SUCO: variants seen among roughly 807,000 people sequenced by gnomAD.
The protein encoded by SUCO is SUN domain containing ossification factor.
A neutral mutation model predicts 148.1 loss-of-function variants in SUCO; 57 were observed. The observed-to-expected ratio is 0.38, with a 90% confidence interval of 0.31 to 0.48. The LOEUF is 0.48. Ranked by LOEUF, SUCO falls within the 20% of genes least tolerant of loss-of-function variation. The probability of loss-of-function intolerance (pLI) is 0.96; values close to 1 mark genes in which losing one functional copy is unlikely to be tolerated. For missense variants in SUCO, 1,331 were observed against 1,468.2 expected (o/e 0.91, Z 1.53); for synonymous variants, 470 against 502.7 (o/e 0.93, Z 0.87).
At chr1:172,604,981 G>T (rs1378979232) in intron 22 of SUCO, among the ~76,000 whole-genome samples, 1 of 151,564 alleles carries the variant, frequency 6.6e-6, no homozygotes, top group South Asian at 2.1e-4. Context: ...GCTGTTCAGG[G>T]GTATACAGAT....
chr1:172,577,995 A>T (rs1213948997), intron 13 of SUCO, among the ~76,000 whole-genome samples, 176 bp downstream of exon 13: 4 of 79,476 alleles, frequency 5.0e-5, no homozygotes, highest in Non-Finnish European at 1.0e-4. Context: ...ATCCTCTTTT[A>T]AAAAAAAAAC....
intron 1 of SUCO, among the ~76,000 whole-genome samples, chr1:172,539,453 AGT>A (rs1652273956): frequency 6.6e-6 from 1 of 152,188 alleles, no homozygotes; most frequent in African/African-American, 2.4e-5. Context: ...GCAGTATAAG[AGT>A]GTTAATCCTT....
chr1:172,590,511 C>T (rs1558205678), intron 18 of SUCO: 2 of 242,416 alleles, frequency 8.3e-6, no homozygotes, highest in Middle Eastern at 1.9e-3. Flanking sequence ...TTTTTATCCT[C>T]TGTGTGTCCA....
intron 22 of SUCO, among the ~76,000 whole-genome samples, chr1:172,603,731 C>T (rs1323615991): frequency 6.6e-6 from 1 of 151,982 alleles, no homozygotes; most frequent in African/African-American, 2.4e-5. Flanking sequence ...AGAACATGAG[C>T]ACCTCAAAAA....
chr1:172,589,954 C>T lies in SUCO; in HGVS notation c.2825+28C>T, dbSNP rs767656242. ...AAGCTTTATTATGAATTAGCACAGT[C>T]AGCTTCACACAGTGAGTTAAGCAGC... On this transcript the variant is annotated intron_variant, in intron 18 of 23. Transcript: ENST00000263688. The T allele has an allele frequency of 5.4e-6, 8 of 1,485,650 alleles. 1 individual carries two copies. 92.0% of individuals were successfully genotyped at this position (1,485,650 alleles called of 1,614,324 possible).
chr1:172,554,991 T>A (rs888179201), intron 3 of SUCO, among the ~76,000 whole-genome samples: 1 of 152,190 alleles, frequency 6.6e-6, no homozygotes. Context: ...CCTCCTTTTC[T>A]TTAATGCCTA....
intron 10 of SUCO, among the ~76,000 whole-genome samples, 161 bp from the exon 11 acceptor site, chr1:172,575,357 T>C (rs1301373922): frequency 6.6e-6 from 1 of 151,992 alleles, no homozygotes; most frequent in African/African-American, 2.4e-5. Flanking sequence ...GTCAGTTCAG[T>C]TGGAAAAGAA....
chr1:172,592,240 G>T (rs2149262886), intron 19 of SUCO, among the ~76,000 whole-genome samples: 1 of 152,268 alleles, frequency 6.6e-6, no homozygotes, highest in Non-Finnish European at 1.5e-5. Flanking sequence ...TGTTCACTCT[G>T]ATGGTAGTTT....
rs895953992 is a variant in SUCO, at chr1:172,578,265, T to C, written c.1341-33T>C. The C allele has an allele frequency of 6.8e-6, 10 of 1,465,754 alleles. No individual in the cohort carries two copies. In the African/African-American group the frequency reaches 8.4e-5, roughly 12 times the overall value. 90.8% of individuals were successfully genotyped at this position (1,465,754 alleles called of 1,614,324 possible). On this transcript the variant is annotated intron_variant, in intron 13 of 23. Transcript: ENST00000263688. ...AGATTAGTCTTAACGAGTGTTTTGT[T>C]TTGGAAGTCTTTAATGAAATTGTTG...
intron 19 of SUCO, 87 bp downstream of exon 19, chr1:172,591,158 T>A (rs770190090): frequency 3.4e-5 from 33 of 967,326 alleles, no homozygotes; most frequent in Non-Finnish European, 4.7e-5. Context: ...AGTATTGTAG[T>A]TTCACTTTTT....
chr1:172,535,903 T>C (rs978021184), intron 1 of SUCO, among the ~76,000 whole-genome samples: 3 of 152,210 alleles, frequency 2.0e-5, no homozygotes, highest in African/African-American at 7.2e-5. Flanking sequence ...TAGATTATGT[T>C]TACAGAAAAA....
intron 1 of SUCO, among the ~76,000 whole-genome samples, chr1:172,535,336 T>G (rs1049260798): frequency 6.6e-6 from 1 of 152,194 alleles, no homozygotes; most frequent in Non-Finnish European, 1.5e-5. Flanking sequence ...ACTGCCAAAT[T>G]TAGAGACATT....
intron 22 of SUCO, among the ~76,000 whole-genome samples, chr1:172,607,624 G>A (rs1176546359): frequency 1.3e-5 from 2 of 151,618 alleles, no homozygotes; most frequent in African/African-American, 4.8e-5. Context: ...TTTTAGCCTA[G>A]GGATTACTTT....
intron 15 of SUCO, 48 bp from the exon 16 acceptor site, chr1:172,584,970 T>C (rs1656137169): frequency 8.4e-7 from 1 of 1,196,280 alleles, no homozygotes; most frequent in Non-Finnish European, 1.2e-6. Flanking sequence ...TAATTTATAT[T>C]AGAATATTTA....
At chr1:172,595,076 G>A (rs969813157) in intron 19 of SUCO, among the ~76,000 whole-genome samples, 8 of 152,146 alleles carry the variant, frequency 5.3e-5, no homozygotes, top group African/African-American at 1.7e-4. Flanking sequence ...TTGGTTTAAA[G>A]TCTGTTTTAT....
chr1:172,565,457 C>T (rs1183251898), intron 6 of SUCO, among the ~76,000 whole-genome samples: 1 of 152,186 alleles, frequency 6.6e-6, no homozygotes, highest in African/African-American at 2.4e-5. Context: ...ACCCACAGTC[C>T]TAAAGGAATG....
upstream of SUCO, chr1:172,532,972 C>T: frequency 2.2e-6 from 3 of 1,372,620 alleles, no homozygotes; most frequent in East Asian, 2.5e-5. Flanking sequence ...GGGGGCGTGG[C>T]CTGCGCAGAG....
chr1:172,573,936 T>C lies in SUCO; in HGVS notation c.1095T>C (p.Asp365=), dbSNP rs545358053. The change falls in exon 10 of 24, where the codon GAT becomes GAC. Residue 365 remains aspartate (D), a synonymous_variant. Transcript: ENST00000263688. The part of the protein sequence containing the change: ...LCEPIQVKQL[D]IANYELFSST... ...AACCAATTCAAGTAAAACAGCTTGA[T>C]ATTGCAAATTATGAATTATTTTCTT... The C allele has an allele frequency of 3.1e-6, 5 of 1,601,888 alleles. No homozygotes were observed. In the South Asian group the frequency reaches 5.6e-5, roughly 18 times the overall value.
intron 19 of SUCO, among the ~76,000 whole-genome samples, chr1:172,593,084 T>C (rs563251522): frequency 3.8e-4 from 58 of 152,344 alleles, no homozygotes; most frequent in African/African-American, 1.4e-3. Flanking sequence ...TTGTCTGTTA[T>C]TGGTGTATAG....
Sources: allele counts gnomAD v4.1 joint callset (sites outside exome capture counted in the v4.1 genomes callset), GRCh38; gene constraint gnomAD v4.1.1; transcripts MANE v1.5; gene names NCBI Gene and HGNC (gene_info 2026-07-23, HGNC 2026-07-21).